The following TMTC1 variants were observed in gnomAD, a reference collection of about 807,000 sequenced individuals.
The protein encoded by TMTC1 is protein O-mannosyl-transferase TMTC1.
TMTC1 carries 73 observed loss-of-function variants against 104.8 expected under a neutral mutation model. The observed-to-expected ratio is 0.70, with a 90% CI of 0.58 to 0.85. TMTC1 has a LOEUF of 0.85. Ranked by LOEUF, TMTC1 falls within the 40% of genes least tolerant of loss-of-function variation. TMTC1 has a pLI of 0.00. For missense variants in TMTC1, 1,035 were observed against 1,096.1 expected, an observed-to-expected ratio of 0.94 and a Z score of 0.79; for synonymous variants, 434 against 428.7, an observed-to-expected ratio of 1.01 and a Z score of -0.15.
chr12:29,654,966 C>G (rs1939687767), intron 5 of TMTC1, among the ~76,000 whole-genome samples: 1 of 152,130 alleles, frequency 6.6e-6, no homozygotes, highest in Admixed American at 6.6e-5. Flanking sequence ...TTACTGCAAC[C>G]TCCACCTCCC....
At chr12:29,586,392 T>C (rs1254110152) in intron 7 of TMTC1, among the ~76,000 whole-genome samples, 3 of 152,332 alleles carry the variant, frequency 2.0e-5, no homozygotes, top group East Asian at 1.9e-4. Context: ...CAGGGACAAT[T>C]TGACTTCCTC....
At chr12:29,617,889 AG>A (rs534366961) in intron 6 of TMTC1, among the ~76,000 whole-genome samples, 226 of 152,320 alleles carry the variant, frequency 1.5e-3, no homozygotes, top group Middle Eastern at 3.4e-3. Flanking sequence ...CAGAGAAATA[AG>A]GAGCCACCAG....
chr12:29,548,041 T>C (rs183671891), intron 10 of TMTC1, among the ~76,000 whole-genome samples: 190 of 152,276 alleles, frequency 1.2e-3, no homozygotes, highest in African/African-American at 4.4e-3. Context: ...GCGCTAACCA[T>C]TCTTCTTGCC....
chr12:29,732,027 C>CCATATAAAT (rs1565800672), intron 5 of TMTC1, among the ~76,000 whole-genome samples: 1 of 152,018 alleles, frequency 6.6e-6, no homozygotes, highest in Non-Finnish European at 1.5e-5. Flanking sequence ...AATATTTATT[C>CCATATAAAT]CATATAAATT....
In TMTC1 at chr12:29,557,860, CT is replaced by C. The variant is rs371561426; in HGVS notation, c.1533-861del. On this transcript the variant is annotated intron_variant, in intron 9 of 17. Coordinates refer to ENST00000539277, the MANE Select transcript of TMTC1 (RefSeq NM_001193451.2). The stretch of plus-strand genomic sequence containing the variant: ...TAATCTGCAAAATGCCTCCTCTTCT[CT>C]TTTTTTCCATTTTATCTCATTTCCC... Among the ~76,000 whole-genome samples the C allele has an allele frequency of 1.3e-3, 205 of 152,278 alleles. 1 individual carries two copies. The highest frequency in any genetic ancestry group is 4.7e-3 in the African/African-American group (194 of 41,556).
rs113861039 is a variant in TMTC1, at chr12:29,624,259, C to T, written c.1128+8888G>A. On this transcript the variant is annotated intron_variant, in intron 6 of 17. Coordinates refer to ENST00000539277, the MANE Select transcript of TMTC1 (RefSeq NM_001193451.2). ...CCTCCCAAAGTGCTGGGATTACAGGCGTGAGCCACTGCGCCCAGCAAGGAC... is the reference window on the plus strand; with the variant it reads ...CCTCCCAAAGTGCTGGGATTACAGGTGTGAGCCACTGCGCCCAGCAAGGAC... 9.2e-3 allele frequency among the ~76,000 whole-genome samples: 1,397 copies of T among 152,178 alleles called. 24 individuals are homozygous for T. The highest frequency in any genetic ancestry group is 0.032 in the African/African-American group (1,340 of 41,494).
At chr12:29,723,735 G>A (rs1329228469) in intron 5 of TMTC1, among the ~76,000 whole-genome samples, 1 of 152,094 alleles carries the variant, frequency 6.6e-6, no homozygotes, top group Non-Finnish European at 1.5e-5. Flanking sequence ...AAACGAGAGA[G>A]AGAGAGAAGG....
chr12:29,653,991 A>G (rs1939640728), intron 5 of TMTC1, among the ~76,000 whole-genome samples: 1 of 152,236 alleles, frequency 6.6e-6, no homozygotes. Flanking sequence ...TAAATGTGAG[A>G]AAAAGATACT....
At chr12:29,507,263 T>G (rs1400403519) in intron 17 of TMTC1, among the ~76,000 whole-genome samples, 1 of 152,160 alleles carries the variant, frequency 6.6e-6, no homozygotes, top group African/African-American at 2.4e-5. Context: ...ATGCAGGGTG[T>G]GAGGTTACCA....
At chr12:29,601,581 T>C (rs1047220235) in intron 7 of TMTC1, among the ~76,000 whole-genome samples, 7 of 152,112 alleles carry the variant, frequency 4.6e-5, no homozygotes, top group African/African-American at 1.7e-4. Context: ...AATACTAAGA[T>C]GTTCCTATCA....
At chr12:29,663,540 G>A (rs760948266) in intron 5 of TMTC1, among the ~76,000 whole-genome samples, 12 of 151,830 alleles carry the variant, frequency 7.9e-5, no homozygotes, top group Non-Finnish European at 1.3e-4. Flanking sequence ...TTCTGAAACA[G>A]AGTCTTACTC....
intron 6 of TMTC1, among the ~76,000 whole-genome samples, chr12:29,610,771 T>A (rs1946825404): frequency 6.6e-6 from 1 of 152,128 alleles, no homozygotes. Context: ...GCCATTTACA[T>A]TTTTTTCCTC....
intron 7 of TMTC1, among the ~76,000 whole-genome samples, chr12:29,588,837 C>T (rs1408954898): frequency 6.6e-6 from 1 of 151,976 alleles, no homozygotes; most frequent in Non-Finnish European, 1.5e-5. Context: ...TAATGTTTAA[C>T]CCATGAAAAC....
intron 6 of TMTC1, among the ~76,000 whole-genome samples, chr12:29,622,540 T>C (rs1384037883): frequency 6.6e-6 from 1 of 152,196 alleles, no homozygotes; most frequent in Non-Finnish European, 1.5e-5. Context: ...TCAGCCGTGG[T>C]TCTCCTGGGG....
rs772393742 is a variant in TMTC1, at chr12:29,556,932, T to C, written c.1601A>G (p.Lys534Arg). The change falls in exon 10 of 18, where the codon AAG (lysine) becomes AGG (arginine). Residue 534 changes from lysine to arginine, a missense_variant. Lys to Arg is a conservative substitution (Grantham distance 26, BLOSUM62 2). Transcript: ENST00000539277. The stretch of plus-strand genomic sequence containing the variant: ...CTGGAGAGCCCTCTGATAGTACATC[T>C]TTGCCTCTGCTGTGTCTCTCGTCAG... ...GTLTRDTAEA[K>R]MYYQRALQLH... 1.2e-6 allele frequency: 2 copies of C among 1,614,120 alleles called. No individual in the cohort carries two copies. Among genetic ancestry groups the C allele is most frequent in the Admixed American group, 1.7e-5 (1 of 60,030 alleles).
intron 5 of TMTC1, 122 bp from the exon 6 acceptor site, chr12:29,633,458 GAC>G (rs1938400512): frequency 5.1e-6 from 4 of 789,258 alleles, no homozygotes; most frequent in Non-Finnish European, 7.7e-6. Flanking sequence ...TGGAGGAGAA[GAC>G]AAGGGAAGAT....
intron 7 of TMTC1, among the ~76,000 whole-genome samples, chr12:29,588,995 G>A (rs917577628): frequency 2.7e-5 from 4 of 150,210 alleles, no homozygotes; most frequent in Non-Finnish European, 5.9e-5. Flanking sequence ...GTTGAAAGCT[G>A]AATCATGCAA....
chr12:29,597,885 A>G (rs1946455516), intron 7 of TMTC1, among the ~76,000 whole-genome samples: 1 of 152,178 alleles, frequency 6.6e-6, no homozygotes, highest in Non-Finnish European at 1.5e-5. Context: ...TGACAAGAAT[A>G]CCAGAAATAT....
At chr12:29,681,896 T>C (rs1940931362) in intron 5 of TMTC1, among the ~76,000 whole-genome samples, 1 of 152,186 alleles carries the variant, frequency 6.6e-6, no homozygotes, top group African/African-American at 2.4e-5. Flanking sequence ...TTCCTTTACA[T>C]ATGACAGTAA....
Sources: allele counts gnomAD v4.1 joint callset (sites outside exome capture counted in the v4.1 genomes callset), GRCh38; gene constraint gnomAD v4.1.1; transcripts MANE v1.5; gene names NCBI Gene and HGNC (gene_info 2026-07-23, HGNC 2026-07-21).